The following PRPS2 variants were observed in gnomAD, a reference collection of about 807,000 sequenced individuals.
PRPS2 encodes the protein ribose-phosphate pyrophosphokinase 2.
For synonymous variants in PRPS2, 111 were observed against 115.3 expected, an observed-to-expected ratio of 0.96 and a Z score of 0.24; for missense variants, 104 against 271.5, an observed-to-expected ratio of 0.38 and a Z score of 4.34.
chrX:12,799,140 TG>T, intron 1 of PRPS2, 66 bp from the exon 2 acceptor site: 1 of 1,054,904 alleles, frequency 9.5e-7, no homozygotes, highest in Non-Finnish European at 1.3e-6. Flanking sequence ...AACCTAGGGG[TG>T]GTCTCAGGGA....
chrX:12,808,592 C>G (rs1483661347), intron 2 of PRPS2, among the ~76,000 whole-genome samples: 5 of 112,292 alleles, frequency 4.5e-5, no homozygotes, highest in East Asian at 2.8e-4. Context: ...TAAATAGTAA[C>G]TATTATCAAT....
At chrX:12,808,288 CTG>C (rs60881280) in intron 2 of PRPS2, among the ~76,000 whole-genome samples, 74 of 102,348 alleles carry the variant, frequency 7.2e-4, no homozygotes, top group African/African-American at 1.5e-3. Flanking sequence ...CATGAATATA[CTG>C]TGTGTGTGTG....
chrX:12,809,495 C>T (rs2042611953), intron 3 of PRPS2, among the ~76,000 whole-genome samples, 163 bp downstream of exon 3: 1 of 111,949 alleles, frequency 8.9e-6, no homozygotes. Flanking sequence ...CAGTCTCTAT[C>T]ACCACCTTGC....
chrX:12,793,409 A>T (rs2042529177), intron 1 of PRPS2, among the ~76,000 whole-genome samples: 1 of 113,022 alleles, frequency 8.8e-6, no homozygotes. Flanking sequence ...TGGTTCAAAT[A>T]TAAAGCAGAC....
chrX:12,811,869 C>T (rs1232529375), intron 4 of PRPS2, among the ~76,000 whole-genome samples: 1 of 112,236 alleles, frequency 8.9e-6, no homozygotes, highest in Non-Finnish European at 1.9e-5. Flanking sequence ...GTTCCCAGCA[C>T]AGAAGAGAAG....
At chrX:12,792,285 T>C (rs1290035994) in intron 1 of PRPS2, among the ~76,000 whole-genome samples, 1 of 112,321 alleles carries the variant, frequency 8.9e-6, no homozygotes, top group East Asian at 2.8e-4. Context: ...AGGGTGCAGT[T>C]GTGCCAAGGT....
rs1176341653 is a variant in PRPS2 at position 12,823,410 on chromosome X, ACT to A, written c.*615_*616del. ...AAATTTTATTTAGCTTAATATGGAC[ACT>A]GACACATTTTGGGGGGTATACATTA... On this transcript the variant is annotated 3_prime_UTR_variant, in exon 7 of 7. Coordinates refer to ENST00000380668, the MANE Select transcript of PRPS2 (RefSeq NM_002765.5). 2 of 106,745 alleles carry A rather than the reference ACT, an allele frequency of 1.9e-5. No homozygotes were observed. The highest frequency in any genetic ancestry group is 6.9e-5 in the African/African-American group (2 of 28,868). The allele number at this position is 106,745 out of a possible 1,213,427, so 8.8% of individuals were successfully genotyped here. A position where few individuals can be genotyped will look rare whatever the true frequency, so the allele number is the denominator to read the frequency against.
chrX:12,814,880 T>C (rs975653403), intron 4 of PRPS2, among the ~76,000 whole-genome samples: 1 of 112,421 alleles, frequency 8.9e-6, no homozygotes, highest in Non-Finnish European at 1.9e-5. Context: ...GTGATGCCAC[T>C]ATGAATAATT....
At chrX:12,801,713 A>G (rs1181724633) in intron 2 of PRPS2, among the ~76,000 whole-genome samples, 1 of 112,329 alleles carries the variant, frequency 8.9e-6, no homozygotes, top group Non-Finnish European at 1.9e-5. Context: ...GGCTCAAGCA[A>G]TCCTCCTACC....
At chrX:12,793,152 A>G (rs747787932) in intron 1 of PRPS2, among the ~76,000 whole-genome samples, 1 of 112,625 alleles carries the variant, frequency 8.9e-6, no homozygotes, top group South Asian at 3.6e-4. Flanking sequence ...TAAGAACACG[A>G]GAAGAAGAAT....
At chrX:12,799,428 C>G in intron 2 of PRPS2, 38 bp downstream of exon 2, 1 of 1,155,877 alleles carries the variant, frequency 8.7e-7, no homozygotes, top group Non-Finnish European at 1.2e-6. Flanking sequence ...TGCTGTGGGC[C>G]ACTGTCAATG....
intron 2 of PRPS2, among the ~76,000 whole-genome samples, chrX:12,807,761 G>A (rs1460760412): frequency 9.1e-6 from 1 of 109,805 alleles, no homozygotes; most frequent in Non-Finnish European, 1.9e-5. Flanking sequence ...AAAAAAACAA[G>A]AAAAATATAT....
chrX:12,815,894 C>T (rs1269797941), intron 4 of PRPS2, among the ~76,000 whole-genome samples: 3 of 111,967 alleles, frequency 2.7e-5, no homozygotes, highest in African/African-American at 9.7e-5. Flanking sequence ...CCACCCACCT[C>T]GGCCTCCCAA....
rs531864490 is a variant in PRPS2, at chrX:12,798,597, T to C, written c.123-610T>C. On this transcript the variant is annotated intron_variant, in intron 1 of 6. Transcript: ENST00000380668. ...TTTAAGCAATATGACTGTATAACTTTAATAAAAAACTAAAACTAAATGTAG... is the reference window on the plus strand; with the variant it reads ...TTTAAGCAATATGACTGTATAACTTCAATAAAAAACTAAAACTAAATGTAG... Among the ~76,000 whole-genome samples, 37 of 112,316 alleles carry C rather than the reference T, an allele frequency of 3.3e-4. No homozygotes were observed. In the South Asian group the frequency reaches 0.013, roughly 40 times the overall value.
intron 2 of PRPS2, among the ~76,000 whole-genome samples, chrX:12,802,531 G>A (rs918208707): frequency 1.8e-5 from 2 of 111,096 alleles, no homozygotes; most frequent in African/African-American, 6.6e-5. Context: ...TAGAGACAGG[G>A]TTTCACCGTG....
chrX:12,802,254 T>A (rs886789394), intron 2 of PRPS2, among the ~76,000 whole-genome samples: 2 of 112,185 alleles, frequency 1.8e-5, no homozygotes, highest in Non-Finnish European at 3.8e-5. Context: ...CATCCCCTAG[T>A]TGCCAGTAGT....
intron 1 of PRPS2, among the ~76,000 whole-genome samples, chrX:12,794,895 G>A (rs988857505): frequency 1.3e-4 from 15 of 112,126 alleles, no homozygotes; most frequent in Non-Finnish European, 2.8e-4. Context: ...GGGCCAAATC[G>A]TAAATATTTT....
chrX:12,820,750 G>T lies in PRPS2; in HGVS notation c.811G>T (p.Val271Phe). The change falls in exon 6 of 7, where the codon GTC becomes TTC. Residue 271 changes from valine to phenylalanine, a missense_variant. Physicochemically the swap from Val to Phe is conservative, Grantham distance 50. Coordinates refer to ENST00000380668, the MANE Select transcript of PRPS2 (RefSeq NM_002765.5). ...TAATGCCGCCTTTGAGGCTGTTGTC[G>T]TCACAAACACAATTCCGCAAGAGGA... ...INNAAFEAVV[V>F]TNTIPQEDKM... The T allele has an allele frequency of 8.3e-7, 1 of 1,211,183 alleles. No individual in the cohort carries two copies. The highest frequency in any genetic ancestry group is 1.1e-6 in the Non-Finnish European group (1 of 895,473).
At chrX:12,810,282 G>C in intron 4 of PRPS2, 136 bp downstream of exon 4, 2 of 815,420 alleles carry the variant, frequency 2.5e-6, no homozygotes, top group South Asian at 2.9e-5. Context: ...TAGACCGCAG[G>C]CTTCACTTCC....
Sources: allele counts gnomAD v4.1 joint callset (sites outside exome capture counted in the v4.1 genomes callset), GRCh38; gene constraint gnomAD v4.1.1; transcripts MANE v1.5; gene names NCBI Gene and HGNC (gene_info 2026-07-23, HGNC 2026-07-21).